PARD3B: variants seen among roughly 807,000 people sequenced by gnomAD.
PARD3B encodes par-3 family cell polarity regulator beta.
Under a neutral mutation model 130.2 loss-of-function variants are expected in PARD3B, and 103 were observed. The ratio of observed to expected loss-of-function variants is 0.79; its 90% CI spans 0.67 to 0.93. PARD3B has a LOEUF of 0.93. Among genes scored for constraint, PARD3B ranks in the 40% least tolerant of loss-of-function variants. PARD3B has a pLI of 0.00. For missense variants in PARD3B, 1,609 were observed against 1,499.2 expected, an observed-to-expected ratio of 1.07 and a Z score of -1.21; for synonymous variants, 583 against 553.2, an observed-to-expected ratio of 1.05 and a Z score of -0.76.
chr2:205,357,490 G>C (rs1390236512), intron 18 of PARD3B, among the ~76,000 whole-genome samples: 1 of 152,180 alleles, frequency 6.6e-6, no homozygotes, highest in Non-Finnish European at 1.5e-5. Flanking sequence ...AATTAAGTGG[G>C]TGAACTTGCT....
intron 1 of PARD3B, among the ~76,000 whole-genome samples, chr2:204,641,753 T>G (rs544370891): frequency 6.6e-6 from 1 of 152,210 alleles, no homozygotes; most frequent in African/African-American, 2.4e-5. Context: ...TTCCAGTGTT[T>G]AGAATGCTGA....
intron 2 of PARD3B, among the ~76,000 whole-genome samples, chr2:204,955,902 G>A (rs1575412517): frequency 6.6e-6 from 1 of 152,158 alleles, no homozygotes; most frequent in Non-Finnish European, 1.5e-5. Context: ...GTGGGACACT[G>A]GAGGGCCTGG....
chr2:205,022,882 T>C (rs1343870758), intron 3 of PARD3B, among the ~76,000 whole-genome samples: 1 of 152,150 alleles, frequency 6.6e-6, no homozygotes, highest in East Asian at 1.9e-4. Flanking sequence ...ATCTTTCTCT[T>C]TTGCTTGCCT....
chr2:205,505,876 C>T (rs866838681), intron 21 of PARD3B, among the ~76,000 whole-genome samples: 1 of 151,870 alleles, frequency 6.6e-6, no homozygotes, highest in Non-Finnish European at 1.5e-5. Flanking sequence ...CCCGCCCAAC[C>T]TTTTTAAAAA....
Position 205,550,444 on chromosome 2 carries a change from A to AGAT in PARD3B, c.3181-2879_3181-2877dup, listed in dbSNP as rs1328213913. Among the ~76,000 whole-genome samples, 4 of 152,210 alleles carry AGAT rather than the reference A, an allele frequency of 2.6e-5. No homozygotes were observed. Among genetic ancestry groups the AGAT allele is most frequent in the Non-Finnish European group, 5.9e-5 (4 of 68,042 alleles). On this transcript the variant is annotated intron_variant, in intron 21 of 22. Transcript: ENST00000406610. This position sits in a 1 kb window ranked among gnomAD's most constrained non-coding sequence, Gnocchi z 4.5. ...GCAGTATCAATGGAGAAACATACAAAGATATACACAATTAGTGAAGGACAG... is the reference window on the plus strand; with the variant it reads ...GCAGTATCAATGGAGAAACATACAAAGATGATATACACAATTAGTGAAGGACAG...
At chr2:205,485,459 G>C (rs1575137195) in intron 20 of PARD3B, among the ~76,000 whole-genome samples, 2 of 152,264 alleles carry the variant, frequency 1.3e-5, no homozygotes, top group East Asian at 3.9e-4. Context: ...CAACCATTTA[G>C]CCTGCACTGT....
chr2:205,484,805 A>G (rs1351373299), intron 20 of PARD3B, among the ~76,000 whole-genome samples: 15 of 152,198 alleles, frequency 9.9e-5, no homozygotes, highest in Non-Finnish European at 2.2e-4. Context: ...TGACTTCACC[A>G]TGATGGGTAA....
intron 1 of PARD3B, among the ~76,000 whole-genome samples, chr2:204,668,610 T>G (rs1331202046): frequency 6.6e-6 from 1 of 152,206 alleles, no homozygotes; most frequent in Non-Finnish European, 1.5e-5. Flanking sequence ...GAGGTAAGTC[T>G]TCTAGCACAC....
At chr2:204,688,883 G>C (rs770843434) in intron 2 of PARD3B, among the ~76,000 whole-genome samples, 3 of 152,120 alleles carry the variant, frequency 2.0e-5, no homozygotes, top group Non-Finnish European at 4.4e-5. Flanking sequence ...TGTGGATAGA[G>C]AACAAGTCCA....
chr2:204,696,118 G>A (rs2037596400), intron 2 of PARD3B, among the ~76,000 whole-genome samples: 1 of 151,932 alleles, frequency 6.6e-6, no homozygotes, highest in Non-Finnish European at 1.5e-5. Context: ...TCTATAAAAT[G>A]GGAGGTGGGT....
At chr2:204,636,789 C>T (rs992697739) in intron 1 of PARD3B, among the ~76,000 whole-genome samples, 2 of 152,086 alleles carry the variant, frequency 1.3e-5, no homozygotes, top group African/African-American at 4.8e-5. Context: ...TTTCCTTAAA[C>T]TCACCCTGTA....
Position 205,446,085 on chromosome 2 carries a change from A to G in PARD3B, c.3044+5413A>G, listed in dbSNP as rs1029178138. ...AGGGTACTGTTTGGGGCCAGGCAGC[A>G]AGGGTGAAAACAGAGGGGAGAGGAA... On this transcript the variant is annotated intron_variant, in intron 20 of 22. Coordinates refer to ENST00000406610, the MANE Select transcript of PARD3B (RefSeq NM_001302769.2). The surrounding 1 kb of genome is among the most constrained non-coding windows in gnomAD (Gnocchi z 4.4). Among the ~76,000 whole-genome samples the G allele has an allele frequency of 1.9e-4, 29 of 152,280 alleles. No homozygotes were observed. Among genetic ancestry groups the G allele is most frequent in the African/African-American group, 6.0e-4 (25 of 41,556 alleles).
Position 205,011,321 on chromosome 2 carries a change from G to C in PARD3B, c.395-36260G>C, listed in dbSNP as rs1695695759. 1.3e-5 allele frequency among the ~76,000 whole-genome samples: 2 copies of C among 152,080 alleles called. No individual in the cohort carries two copies. Among genetic ancestry groups the C allele is most frequent in the South Asian group, 4.1e-4 (2 of 4,822 alleles). On this transcript the variant is annotated intron_variant, in intron 3 of 22. Transcript: ENST00000406610. This position sits in a 1 kb window ranked among gnomAD's most constrained non-coding sequence, Gnocchi z 4.1. ...CTGTCATCTCAAGGATGGGTCAGAG[G>C]GCTCACTCCTCAGCTCACATGTGTG... is the stretch of plus-strand genomic sequence containing the variant.
At chr2:204,639,938 T>A (rs1046145358) in intron 1 of PARD3B, among the ~76,000 whole-genome samples, 1 of 152,138 alleles carries the variant, frequency 6.6e-6, no homozygotes, top group East Asian at 1.9e-4. Context: ...CACCAAGTTG[T>A]GTATCTTCTA....
chr2:204,705,895 C>G (rs1294196807), intron 2 of PARD3B, among the ~76,000 whole-genome samples: 1 of 152,150 alleles, frequency 6.6e-6, no homozygotes, highest in Non-Finnish European at 1.5e-5. Context: ...CTTCCATCTG[C>G]AACTGATACT....
intron 20 of PARD3B, among the ~76,000 whole-genome samples, chr2:205,450,241 A>G (rs566599374): frequency 2.0e-5 from 3 of 152,258 alleles, no homozygotes; most frequent in Admixed American, 6.5e-5. Context: ...AAATATAACT[A>G]TTGAGGAAGG....
intron 2 of PARD3B, among the ~76,000 whole-genome samples, chr2:204,753,212 A>G (rs1254061439): frequency 6.6e-6 from 1 of 152,176 alleles, no homozygotes; most frequent in Non-Finnish European, 1.5e-5. Flanking sequence ...TCTGAAAATG[A>G]GAAATTTCCA....
chr2:205,439,515 A>T (rs976284866), intron 19 of PARD3B, among the ~76,000 whole-genome samples: 2 of 152,182 alleles, frequency 1.3e-5, no homozygotes, highest in Non-Finnish European at 2.9e-5. Flanking sequence ...AGCTGATTTA[A>T]CACTTTCCAG....
chr2:205,201,168 G>T (rs569715640), intron 15 of PARD3B, among the ~76,000 whole-genome samples: 92 of 152,256 alleles, frequency 6.0e-4, no homozygotes, highest in African/African-American at 2.1e-3. Context: ...TATTATGCCT[G>T]AAAGAGAGAT....
Sources: allele counts gnomAD v4.1 joint callset (sites outside exome capture counted in the v4.1 genomes callset), GRCh38; gene constraint gnomAD v4.1.1; non-coding constraint Gnocchi (gnomAD v3.1); transcripts MANE v1.5; gene names NCBI Gene and HGNC (gene_info 2026-07-23, HGNC 2026-07-21).